The following PDE6B variants were observed in gnomAD, a reference collection of about 807,000 sequenced individuals.
PDE6B encodes rod cGMP-specific 3',5'-cyclic phosphodiesterase subunit beta.
A neutral mutation model predicts 109.0 loss-of-function variants in PDE6B; 106 were observed. The ratio of observed to expected loss-of-function variants is 0.97; its 90% CI spans 0.83 to 1.14. The LOEUF (loss-of-function observed/expected upper bound fraction) is 1.14, where lower values mean the gene tolerates loss of function less well. Ranked by LOEUF, PDE6B falls within the 50% of genes most tolerant of loss-of-function variation. PDE6B has a pLI of 0.00. For synonymous variants in PDE6B, 490 were observed against 471.3 expected (o/e 1.04, Z -0.51); for missense variants, 1,193 against 1,155.6 (o/e 1.03, Z -0.47).
Position 662,028 on chromosome 4 carries a change from A to G in PDE6B, c.1615-106A>G. ...GGGAAGTCCAGGAGACGGTGTGGGGATGATGGCACGGAGCAGGGCTTCCAC... is the reference window on the plus strand; with the variant it reads ...GGGAAGTCCAGGAGACGGTGTGGGGGTGATGGCACGGAGCAGGGCTTCCAC... On this transcript the variant is annotated intron_variant, in intron 12 of 21. Transcript: ENST00000496514. The surrounding 1 kb of genome is among the most constrained non-coding windows in gnomAD (Gnocchi z 4.3). 1.4e-6 allele frequency: 1 copy of G among 708,504 alleles called. No homozygotes were observed. The highest frequency in any genetic ancestry group is 2.6e-6 in the Non-Finnish European group (1 of 385,318). 43.9% of individuals were successfully genotyped at this position (708,504 alleles called of 1,614,324 possible). A position where few individuals can be genotyped will look rare whatever the true frequency, so the allele number is the denominator to read the frequency against.
Position 663,431 on chromosome 4 carries a change from C to T in PDE6B, c.1920+244C>T, listed in dbSNP as rs1450491395. Among the ~76,000 whole-genome samples, 3 of 152,140 alleles carry T rather than the reference C, an allele frequency of 2.0e-5. No homozygotes were observed. The highest frequency in any genetic ancestry group is 2.1e-4 in the South Asian group (1 of 4,824). ...GCCCCTCATGGGGTGGGGTGGAAGC[C>T]GAAGGGGAAGCGGCCCGGGACCCAC... On this transcript the variant is annotated intron_variant, in intron 15 of 21. Transcript: ENST00000496514. The surrounding 1 kb of genome is among the most constrained non-coding windows in gnomAD (Gnocchi z 4.0).
intron 3 of PDE6B, among the ~76,000 whole-genome samples, chr4:637,733 G>C (rs906551167): frequency 9.2e-5 from 14 of 152,182 alleles, no homozygotes; most frequent in Admixed American, 6.5e-4. Flanking sequence ...GCCAGCCCTC[G>C]CTCGTCCCCT....
At chr4:657,178 C>T (rs1362169976) in intron 9 of PDE6B, among the ~76,000 whole-genome samples, 155 bp downstream of exon 9, 1 of 152,192 alleles carries the variant, frequency 6.6e-6, no homozygotes, top group South Asian at 2.1e-4. Flanking sequence ...CAAAGGGCCC[C>T]CCCGGGAGCA....
intron 3 of PDE6B, chr4:652,629 A>C (rs1735683457): frequency 2.7e-5 from 9 of 338,746 alleles, no homozygotes; most frequent in Non-Finnish European, 3.8e-5. Context: ...AGAATGTAAA[A>C]CAATACAGTA....
rs978994367 is a variant in PDE6B at position 633,697 on chromosome 4, G to A, written c.469-980G>A. 1.3e-5 allele frequency among the ~76,000 whole-genome samples: 2 copies of A among 152,220 alleles called. No homozygotes were observed. The highest frequency in any genetic ancestry group is 2.9e-5 in the Non-Finnish European group (2 of 68,036). On this transcript the variant is annotated intron_variant, in intron 1 of 21. Transcript: ENST00000496514. This position sits in a 1 kb window ranked among gnomAD's most constrained non-coding sequence, Gnocchi z 4.5. ...AACCACCCTGTGCCCACTGCAGGTC[G>A]CACAGGTGGGAAGTCCTGACCCCAG... is the stretch of plus-strand genomic sequence containing the variant.
At chr4:667,025 T>C (rs1315648005) in intron 20 of PDE6B, among the ~76,000 whole-genome samples, 1 of 152,228 alleles carries the variant, frequency 6.6e-6, no homozygotes, top group Non-Finnish European at 1.5e-5. Context: ...TCGGCCTGTC[T>C]GCTGGTGCAC....
In PDE6B at chr4:662,070, G is replaced by A. The variant is rs985250934; in HGVS notation, c.1615-64G>A. 3.8e-6 allele frequency: 3 copies of A among 784,230 alleles called. No individual in the cohort carries two copies. The highest frequency in any genetic ancestry group is 6.7e-6 in the Non-Finnish European group (3 of 447,188). The allele number at this position is 784,230 out of a possible 1,614,324, so 48.6% of individuals were successfully genotyped here. On this transcript the variant is annotated intron_variant, in intron 12 of 21. Coordinates refer to ENST00000496514, the MANE Select transcript of PDE6B (RefSeq NM_000283.4). This position sits in a 1 kb window ranked among gnomAD's most constrained non-coding sequence, Gnocchi z 4.3. ...GGCTTCCACTGTGAAGTCAGCCACA[G>A]GTGCCGCTCTGGCGGGACTTACACG...
At chr4:637,347 A>G (rs1210879122) in intron 3 of PDE6B, among the ~76,000 whole-genome samples, 1 of 151,414 alleles carries the variant, frequency 6.6e-6, no homozygotes, top group South Asian at 2.1e-4. Flanking sequence ...CAGCCTCCCG[A>G]GTAGCTGGGA....
intron 1 of PDE6B, among the ~76,000 whole-genome samples, chr4:634,053 G>C (rs1734520370): frequency 6.6e-6 from 1 of 151,994 alleles, no homozygotes; most frequent in Non-Finnish European, 1.5e-5. Context: ...TCTCATCACG[G>C]TGGGCCCCAG....
chr4:655,556 G>C (rs1246524550), intron 6 of PDE6B: 1 of 371,422 alleles, frequency 2.7e-6, no homozygotes, highest in Admixed American at 4.0e-5. Context: ...AGAGGGAGGG[G>C]CCCCAGCACG....
intron 8 of PDE6B, 142 bp from the exon 9 acceptor site, chr4:656,732 G>A: frequency 1.4e-6 from 1 of 720,376 alleles, no homozygotes; most frequent in Admixed American, 2.1e-5. Flanking sequence ...AGGGAGAGAG[G>A]GAATGCAGAG....
In PDE6B at chr4:648,120, C is replaced by T. The variant is rs1045906012; in HGVS notation, c.712-5732C>T. On this transcript the variant is annotated intron_variant, in intron 3 of 21. Transcript: ENST00000496514. This position sits in a 1 kb window ranked among gnomAD's most constrained non-coding sequence, Gnocchi z 4.5. The stretch of plus-strand genomic sequence containing the variant: ...GAGCCAAGAGTCAGGCGTATTTGCC[C>T]GTTCTGTTGTCTGGTCACCCCAGCC... Among the ~76,000 whole-genome samples the T allele has an allele frequency of 2.0e-5, 3 of 151,888 alleles. No homozygotes were observed. Among genetic ancestry groups the T allele is most frequent in the Admixed American group, 6.6e-5 (1 of 15,260 alleles).
Position 653,957 on chromosome 4 carries a change from T to C in PDE6B, c.817T>C (p.Tyr273His). ...GCGGGCCTACCTCAACTGCGAGCGG[T>C]ACTCCGTGGGCCTCCTGGACATGAC... ...TVRAYLNCER[Y>H]SVGLLDMTKE... is the part of the protein sequence containing the mutation. Residue 273 changes from tyrosine (Y) to histidine (H), a missense_variant, in exon 4 of 22, where the codon TAC becomes CAC. By Grantham distance (83) the Tyr-to-His change is moderately conservative. Transcript: ENST00000496514. 6.2e-7 allele frequency: 1 copy of C among 1,613,842 alleles called. No homozygotes were observed. Among genetic ancestry groups the C allele is most frequent in the Non-Finnish European group, 8.5e-7 (1 of 1,180,012 alleles).
chr4:635,403 G>A (rs1167561006), intron 2 of PDE6B, among the ~76,000 whole-genome samples: 4 of 124,130 alleles, frequency 3.2e-5, no homozygotes, highest in African/African-American at 1.0e-4. Context: ...CTGCCTGCCC[G>A]TGTGTTCTGT....
chr4:634,817 C>A lies in PDE6B; in HGVS notation c.609C>A (p.Ser203Arg). 6.2e-7 allele frequency: 1 copy of A among 1,613,770 alleles called. No individual in the cohort carries two copies. The highest frequency in any genetic ancestry group is 8.5e-7 in the Non-Finnish European group (1 of 1,179,746). ...AGCTCAACGGCCCATTCTTCACCAG[C>A]GAAGACGAAGATGTGAGTGTGGGGG... ...VNKLNGPFFTSEDEDVFLKYL... is the reference protein window; with the variant it reads ...VNKLNGPFFTREDEDVFLKYL... The change falls in exon 2 of 22, where the codon AGC becomes AGA. Residue 203 changes from serine (S) to arginine (R), a missense_variant. Physicochemically the swap from Ser to Arg is moderately radical, Grantham distance 110. Coordinates refer to ENST00000496514, the MANE Select transcript of PDE6B (RefSeq NM_000283.4).
At chr4:635,128 T>C (rs1325871378) in intron 2 of PDE6B, among the ~76,000 whole-genome samples, 4 of 113,086 alleles carry the variant, frequency 3.5e-5, no homozygotes, top group Admixed American at 8.3e-5. Context: ...TGTTCTGTGC[T>C]GCGTGTCTGC....
chr4:656,574 C>T (rs552307288), intron 8 of PDE6B, among the ~76,000 whole-genome samples: 237 of 152,162 alleles, frequency 1.6e-3, no homozygotes, highest in African/African-American at 5.6e-3. Flanking sequence ...AGGCCGTGAC[C>T]GCGGCCCCCA....
At chr4:646,656 T>G (rs1386595173) in intron 3 of PDE6B, among the ~76,000 whole-genome samples, 1 of 152,038 alleles carries the variant, frequency 6.6e-6, no homozygotes, top group Non-Finnish European at 1.5e-5. Context: ...TCTGCGTTTC[T>G]GTGTTCGCGC....
chr4:667,902 T>C lies in PDE6B; in HGVS notation c.2399T>C (p.Leu800Pro). 6.2e-7 allele frequency: 1 copy of C among 1,613,556 alleles called. No individual in the cohort carries two copies. The highest frequency in any genetic ancestry group is 8.5e-7 in the Non-Finnish European group (1 of 1,179,718). Residue 800 changes from leucine to proline, a missense_variant, in exon 21 of 22, where the codon CTG becomes CCG. By Grantham distance (98) the Leu-to-Pro change is moderately conservative. Coordinates refer to ENST00000496514, the MANE Select transcript of PDE6B (RefSeq NM_000283.4). ...HEEILPMFDR[L>P]QNNRKEWKAL... ...GAGATCCTGCCCATGTTCGACCGAC[T>C]GCAGAACAATAGGAAAGAGTGGAAG...
Sources: allele counts gnomAD v4.1 joint callset (sites outside exome capture counted in the v4.1 genomes callset), GRCh38; gene constraint gnomAD v4.1.1; non-coding constraint Gnocchi (gnomAD v3.1); transcripts MANE v1.5; gene names NCBI Gene and HGNC (gene_info 2026-07-23, HGNC 2026-07-21).